Variants in UHRF2 observed in about 807,000 individuals in gnomAD.
The protein encoded by UHRF2 is E3 ubiquitin-protein ligase UHRF2.
Under a neutral mutation model 96.8 loss-of-function variants are expected in UHRF2, and 23 were observed. That is an observed-to-expected ratio of 0.24 (90% CI 0.17 to 0.34). UHRF2 has a LOEUF of 0.34. Ranked by LOEUF, UHRF2 falls within the 10% of genes least tolerant of loss-of-function variation. The pLI is 1.00. For synonymous variants in UHRF2, 385 were observed against 332.6 expected, an observed-to-expected ratio of 1.16 and a Z score of -1.72; for missense variants, 685 against 981.5, an observed-to-expected ratio of 0.70 and a Z score of 4.04.
At chr9:6,469,047 G>C (rs1051843885) in intron 4 of UHRF2, among the ~76,000 whole-genome samples, 2 of 152,098 alleles carry the variant, frequency 1.3e-5, no homozygotes, top group Non-Finnish European at 2.9e-5. Context: ...TACCAATTAT[G>C]GGAATAGACC....
chr9:6,464,787 T>G (rs1385521931), intron 4 of UHRF2, among the ~76,000 whole-genome samples: 2 of 152,188 alleles, frequency 1.3e-5, no homozygotes, highest in Non-Finnish European at 2.9e-5. Context: ...TTTGTATCAG[T>G]TCCACACTTT....
At chr9:6,480,937 G>C (rs930294783) in intron 6 of UHRF2, among the ~76,000 whole-genome samples, 3 of 150,432 alleles carry the variant, frequency 2.0e-5, no homozygotes, top group Non-Finnish European at 4.4e-5. Context: ...AGAAAGTATG[G>C]GCAAAGAAAT....
At chr9:6,438,149 G>T (rs1338476798) in intron 3 of UHRF2, among the ~76,000 whole-genome samples, 1 of 152,172 alleles carries the variant, frequency 6.6e-6, no homozygotes, top group African/African-American at 2.4e-5. Context: ...TATTGTAAAA[G>T]CTCTTAGAAG....
intron 3 of UHRF2, among the ~76,000 whole-genome samples, chr9:6,435,070 G>A (rs530044830): frequency 6.6e-6 from 1 of 151,622 alleles, no homozygotes; most frequent in East Asian, 2.0e-4. Flanking sequence ...GTACAGTGAT[G>A]CAACCTCCAC....
chr9:6,482,446 C>CT (rs1823982569), intron 8 of UHRF2, among the ~76,000 whole-genome samples: 1 of 152,184 alleles, frequency 6.6e-6, no homozygotes, highest in African/African-American at 2.4e-5. Flanking sequence ...TCGTGGAACT[C>CT]TAAGCTTGTT....
rs183697874 is a variant in UHRF2 at position 6,483,984 on chromosome 9, C to T, written c.1392+1885C>T. ...GATTACAGGCGTGAGCCACTGCACCCGGCTTCATCATCATTTTCTGTTTCT... is the reference window on the plus strand; with the variant it reads ...GATTACAGGCGTGAGCCACTGCACCTGGCTTCATCATCATTTTCTGTTTCT... On this transcript the variant is annotated intron_variant, in intron 8 of 15. Coordinates refer to ENST00000276893, the MANE Select transcript of UHRF2 (RefSeq NM_152896.3). 1.9e-3 allele frequency among the ~76,000 whole-genome samples: 292 copies of T among 152,174 alleles called. 1 individual carries two copies. In the Middle Eastern group the frequency reaches 0.02, roughly 11 times the overall value.
At chr9:6,415,261 C>T (rs1449641034) in intron 1 of UHRF2, 1 of 152,208 alleles carries the variant, frequency 6.6e-6, no homozygotes, top group African/African-American at 2.4e-5. Context: ...ATTCCAGATT[C>T]CAGGGAAAAC....
chr9:6,491,060 T>C (rs1824626955), intron 9 of UHRF2, among the ~76,000 whole-genome samples: 1 of 152,236 alleles, frequency 6.6e-6, no homozygotes, highest in Non-Finnish European at 1.5e-5. Context: ...TGCTGATAAC[T>C]GAGTTAATAT....
intron 14 of UHRF2, among the ~76,000 whole-genome samples, chr9:6,501,344 T>C (rs1408460816): frequency 6.6e-6 from 1 of 152,192 alleles, no homozygotes; most frequent in Non-Finnish European, 1.5e-5. Flanking sequence ...TAATTTTACT[T>C]ATAAATTTGA....
At chr9:6,458,453 G>T (rs1293017602) in intron 3 of UHRF2, among the ~76,000 whole-genome samples, 5 of 145,242 alleles carry the variant, frequency 3.4e-5, no homozygotes, top group Non-Finnish European at 3.0e-5. Flanking sequence ...CTGGATTGTT[G>T]ATTTTTTTTT....
In UHRF2 at chr9:6,500,544, A is replaced by T. The variant is rs749607636; in HGVS notation, c.2006-8A>T. The T allele has an allele frequency of 6.2e-7, 1 of 1,600,758 alleles. No homozygotes were observed. Among genetic ancestry groups the T allele is most frequent in the East Asian group, 2.2e-5 (1 of 44,674 alleles). On this transcript the variant is annotated splice_region_variant and splice_polypyrimidine_tract_variant and intron_variant, in intron 13 of 15. Coordinates refer to ENST00000276893, the MANE Select transcript of UHRF2 (RefSeq NM_152896.3). ...AAGTCTGCTGATACATTTTTAAAAT[A>T]AATCTAGATGACTGTCCAAGTGCCT...
intron 3 of UHRF2, among the ~76,000 whole-genome samples, chr9:6,442,523 G>A (rs1379508164): frequency 6.6e-6 from 1 of 152,100 alleles, no homozygotes; most frequent in Non-Finnish European, 1.5e-5. Context: ...CCATCACCCT[G>A]ATTGAAATGC....
intron 9 of UHRF2, among the ~76,000 whole-genome samples, chr9:6,490,877 T>C: frequency 6.6e-6 from 1 of 152,204 alleles, no homozygotes; most frequent in East Asian, 1.9e-4. Flanking sequence ...TTTTCAACTT[T>C]TTGATCTTTC....
intron 4 of UHRF2, among the ~76,000 whole-genome samples, chr9:6,471,144 C>A (rs1172613739): frequency 1.3e-5 from 2 of 152,158 alleles, no homozygotes; most frequent in Non-Finnish European, 2.9e-5. Context: ...CAAAATATTA[C>A]TAAATTATCT....
At chr9:6,448,129 T>C (rs1821630564) in intron 3 of UHRF2, among the ~76,000 whole-genome samples, 1 of 152,066 alleles carries the variant, frequency 6.6e-6, no homozygotes, top group Admixed American at 6.5e-5. Flanking sequence ...GGTGTCCAGA[T>C]TGGAATTTGA....
At chr9:6,462,954 A>G (rs1049368356) in intron 4 of UHRF2, among the ~76,000 whole-genome samples, 1 of 151,180 alleles carries the variant, frequency 6.6e-6, no homozygotes, top group African/African-American at 2.4e-5. Context: ...AGGTATAGTT[A>G]AGAGTGGGAA....
intron 1 of UHRF2, among the ~76,000 whole-genome samples, chr9:6,414,546 A>G (rs1465481773): frequency 6.6e-6 from 1 of 152,034 alleles, no homozygotes; most frequent in African/African-American, 2.4e-5. Context: ...TACAATCTAT[A>G]TCCCTAGCCA....
chr9:6,465,415 A>G (rs902320679), intron 4 of UHRF2, among the ~76,000 whole-genome samples: 1 of 152,198 alleles, frequency 6.6e-6, no homozygotes, highest in Non-Finnish European at 1.5e-5. Context: ...ACTTCTCAAT[A>G]AAGTCATCTG....
At chr9:6,451,029 C>CCTCTA (rs1229711050) in intron 3 of UHRF2, among the ~76,000 whole-genome samples, 3 of 152,176 alleles carry the variant, frequency 2.0e-5, no homozygotes, top group Non-Finnish European at 4.4e-5. Context: ...GAAAGGGTTA[C>CCTCTA]AACTTAACCT....
Sources: gnomAD v4.1 joint callset for allele counts (sites outside exome capture counted in the v4.1 genomes callset) on GRCh38, gnomAD v4.1.1 for gene constraint, MANE v1.5 for transcripts, NCBI Gene and HGNC (gene_info 2026-07-23, HGNC 2026-07-21) for gene names.